Variants in NEGR1 observed in about 807,000 individuals in gnomAD.
NEGR1 encodes the protein IgLON family member 4.
A neutral mutation model predicts 40.9 loss-of-function variants in NEGR1; 10 were observed. The ratio of observed to expected loss-of-function variants is 0.24; its 90% CI spans 0.15 to 0.42. The LOEUF (loss-of-function observed/expected upper bound fraction) is 0.42. Among genes scored for constraint, NEGR1 ranks in the 10% least tolerant of loss-of-function variants. NEGR1 has a pLI of 1.00. For missense variants in NEGR1, 352 were observed against 438.9 expected, an observed-to-expected ratio of 0.80 and a Z score of 1.77; for synonymous variants, 185 against 166.8, an observed-to-expected ratio of 1.11 and a Z score of -0.84.
At chr1:71,674,970 A>G (rs1652568146) in intron 4 of NEGR1, among the ~76,000 whole-genome samples, 1 of 151,298 alleles carries the variant, frequency 6.6e-6, no homozygotes, top group African/African-American at 2.4e-5. Context: ...CTTACCTAAC[A>G]CTTGTAACAT....
chr1:72,227,254 C>T (rs1196020967), intron 1 of NEGR1, among the ~76,000 whole-genome samples: 4 of 151,952 alleles, frequency 2.6e-5, no homozygotes, highest in East Asian at 1.9e-4. Context: ...AACATAATGC[C>T]TCATAAATAA....
At position 71,632,818 on chromosome 1, in the gene NEGR1, T is replaced by C. The variant is rs148678458; in HGVS notation, c.668-21672A>G. 4.6e-5 allele frequency among the ~76,000 whole-genome samples: 7 copies of C among 152,064 alleles called. No homozygotes were observed. In the East Asian group the frequency reaches 5.8e-4, roughly 13 times the overall value. Reference sequence around the variant, plus strand: ...GACTGAACAGATGAATGAATTATAGTTTTCCTACTGTACAATCTGTTAACT... The same window carrying C: ...GACTGAACAGATGAATGAATTATAGCTTTCCTACTGTACAATCTGTTAACT... On this transcript the variant is annotated intron_variant, in intron 4 of 6. Transcript: ENST00000357731.
At chr1:71,942,483 A>ATAT (rs1168293461) in intron 1 of NEGR1, among the ~76,000 whole-genome samples, 7 of 18,610 alleles carry the variant, frequency 3.8e-4, no homozygotes, top group Admixed American at 1.0e-3. Context: ...ATATATATAT[A>ATAT]TTTTTTTTTT....
chr1:71,469,763 T>C (rs554922141), intron 6 of NEGR1, among the ~76,000 whole-genome samples: 1 of 152,170 alleles, frequency 6.6e-6, no homozygotes, highest in Admixed American at 6.6e-5. Flanking sequence ...ACATTAATTT[T>C]TGTGTCCCCA....
chr1:72,037,316 A>T (rs1394554555), intron 1 of NEGR1, among the ~76,000 whole-genome samples: 1 of 152,174 alleles, frequency 6.6e-6, no homozygotes, highest in African/African-American at 2.4e-5. Context: ...TTGAGTGCCT[A>T]CTATATTCCT....
At chr1:71,684,143 G>C (rs1035511803) in intron 4 of NEGR1, among the ~76,000 whole-genome samples, 16 of 151,924 alleles carry the variant, frequency 1.1e-4, no homozygotes, top group African/African-American at 3.9e-4. Flanking sequence ...GGTGGTGGGC[G>C]CCTGTAGTCC....
At chr1:71,450,955 T>C (rs773585463) in intron 6 of NEGR1, among the ~76,000 whole-genome samples, 1 of 152,214 alleles carries the variant, frequency 6.6e-6, no homozygotes, top group Non-Finnish European at 1.5e-5. Flanking sequence ...GTAGCAATAG[T>C]GTAGCCTCCT....
At chr1:71,812,285 T>C (rs981534113) in intron 2 of NEGR1, among the ~76,000 whole-genome samples, 3 of 152,184 alleles carry the variant, frequency 2.0e-5, no homozygotes, top group African/African-American at 7.2e-5. Flanking sequence ...ATTTTCTTTA[T>C]CCAGTCTATC....
intron 4 of NEGR1, among the ~76,000 whole-genome samples, chr1:71,613,804 A>G (rs1650352074): frequency 6.6e-6 from 1 of 152,316 alleles, no homozygotes; most frequent in Admixed American, 6.5e-5. Flanking sequence ...AACAACTAGA[A>G]TCTTGAAGAT....
At chr1:72,059,035 A>G (rs2100490456) in intron 1 of NEGR1, among the ~76,000 whole-genome samples, 1 of 151,794 alleles carries the variant, frequency 6.6e-6, no homozygotes, top group Middle Eastern at 3.4e-3. Flanking sequence ...AAATACAACT[A>G]GAACCTTGTC....
In NEGR1 at chr1:72,149,556, C is replaced by T. The variant is rs77603374; in HGVS notation, c.176+132763G>A. ...TTCTCAAGGAACCATGAAGCACAAT[C>T]AATTAATTCAATCTATAAAGTTAGT... On this transcript the variant is annotated intron_variant, in intron 1 of 6. Transcript: ENST00000357731. 5.9e-3 allele frequency among the ~76,000 whole-genome samples: 894 copies of T among 152,104 alleles called. 50 individuals are homozygous for T. The East Asian group carries it at 0.14, about 24-fold the overall frequency.
intron 1 of NEGR1, among the ~76,000 whole-genome samples, chr1:72,143,895 T>TGA (rs1553144994): frequency 1.1e-4 from 11 of 95,826 alleles, no homozygotes; most frequent in African/African-American, 4.4e-4. Context: ...TATATATATA[T>TGA]TATATATATG....
intron 5 of NEGR1, among the ~76,000 whole-genome samples, chr1:71,598,099 G>A (rs561813986): frequency 4.8e-4 from 73 of 152,174 alleles, no homozygotes; most frequent in Admixed American, 2.2e-3. Context: ...AGAAGATTAG[G>A]TTAATTTATC....
chr1:71,471,875 C>T (rs908686), intron 6 of NEGR1, among the ~76,000 whole-genome samples: 110,808 of 151,820 alleles, frequency 0.73, 40,982 homozygotes, highest in Non-Finnish European at 0.77. Flanking sequence ...AACAACGTCC[C>T]GGTATTCCTT....
At chr1:72,086,266 G>A (rs1026846013) in intron 1 of NEGR1, among the ~76,000 whole-genome samples, 3 of 152,288 alleles carry the variant, frequency 2.0e-5, no homozygotes, top group South Asian at 4.1e-4. Flanking sequence ...AGGGTGATAT[G>A]GTTTCTGTGG....
intron 1 of NEGR1, among the ~76,000 whole-genome samples, chr1:72,120,758 T>G (rs1368948644): frequency 6.6e-6 from 1 of 151,988 alleles, no homozygotes; most frequent in East Asian, 1.9e-4. Context: ...AGATGCTCAT[T>G]TAACAAACAC....
At chr1:71,476,542 C>T (rs1646822047) in intron 6 of NEGR1, among the ~76,000 whole-genome samples, 1 of 152,024 alleles carries the variant, frequency 6.6e-6, no homozygotes, top group African/African-American at 2.4e-5. Flanking sequence ...CTTTAAGCCA[C>T]AACAACCATG....
At chr1:72,186,168 T>A (rs1652605109) in intron 1 of NEGR1, among the ~76,000 whole-genome samples, 1 of 151,756 alleles carries the variant, frequency 6.6e-6, no homozygotes, top group Admixed American at 6.6e-5. Flanking sequence ...TTGGAAAATA[T>A]CATGTAACAA....
intron 1 of NEGR1, among the ~76,000 whole-genome samples, chr1:72,083,994 C>A (rs542901195): frequency 6.6e-6 from 1 of 152,254 alleles, no homozygotes; most frequent in East Asian, 1.9e-4. Context: ...TACCACAATA[C>A]AGAATAGATT....
Sources: gnomAD v4.1 joint callset for allele counts (sites outside exome capture counted in the v4.1 genomes callset) on GRCh38, gnomAD v4.1.1 for gene constraint, MANE v1.5 for transcripts, NCBI Gene and HGNC (gene_info 2026-07-23, HGNC 2026-07-21) for gene names.